The following ADAM22 variants were observed in gnomAD, a reference collection of about 807,000 sequenced individuals.
The protein encoded by ADAM22 is disintegrin and metalloproteinase domain-containing protein 22.
In ADAM22, 65 loss-of-function variants were observed where a neutral mutation model predicts 144.6. That is an observed-to-expected ratio of 0.45 (90% CI 0.37 to 0.55). The LOEUF is 0.55. Among genes scored for constraint, ADAM22 ranks in the 20% least tolerant of loss-of-function variants. The probability of loss-of-function intolerance (pLI) is 0.00; values close to 1 mark genes in which losing one functional copy is unlikely to be tolerated. For synonymous variants in ADAM22, 391 were observed against 412.6 expected (o/e 0.95, Z 0.63); for missense variants, 974 against 1,184.9 (o/e 0.82, Z 2.61).
chr7:88,187,677 T>C (rs945168777), intron 30 of ADAM22, among the ~76,000 whole-genome samples: 3 of 152,234 alleles, frequency 2.0e-5, no homozygotes, highest in African/African-American at 7.2e-5. Flanking sequence ...TAAACTTTCA[T>C]GTTACTGATT....
At chr7:88,048,299 T>C (rs1805239391) in intron 3 of ADAM22, among the ~76,000 whole-genome samples, 2 of 152,292 alleles carry the variant, frequency 1.3e-5, no homozygotes, top group African/African-American at 4.8e-5. Context: ...TCTAGTATTT[T>C]GCTGTTATTA....
intron 3 of ADAM22, among the ~76,000 whole-genome samples, chr7:88,061,801 CAA>C (rs1809947201): frequency 6.7e-6 from 1 of 148,254 alleles, no homozygotes; most frequent in African/African-American, 2.5e-5. Flanking sequence ...TAGCCCTAAA[CAA>C]AAGAGTCAGC....
chr7:88,105,275 A>G (rs1305262638), intron 4 of ADAM22, among the ~76,000 whole-genome samples: 1 of 152,014 alleles, frequency 6.6e-6, no homozygotes, highest in African/African-American at 2.4e-5. Flanking sequence ...ACTGTTCACT[A>G]TGAGGCTCAG....
At chr7:87,935,594 CTG>C (rs1003689008) in intron 2 of ADAM22, among the ~76,000 whole-genome samples, 7 of 152,212 alleles carry the variant, frequency 4.6e-5, no homozygotes, top group Admixed American at 1.3e-4. Flanking sequence ...AAGGTTGACA[CTG>C]TAAGAAAAAA....
intron 3 of ADAM22, among the ~76,000 whole-genome samples, chr7:88,038,636 G>A (rs995734023): frequency 1.3e-5 from 2 of 151,684 alleles, no homozygotes; most frequent in African/African-American, 4.8e-5. Flanking sequence ...TGTATTTTTA[G>A]TAGAGACGGG....
intron 2 of ADAM22, among the ~76,000 whole-genome samples, chr7:87,972,241 G>T (rs950309663): frequency 3.9e-4 from 60 of 152,192 alleles, no homozygotes; most frequent in Non-Finnish European, 7.8e-4. Flanking sequence ...AAAGTCTCAG[G>T]ATACAAAATC....
chr7:88,078,864 C>T (rs565425654), intron 4 of ADAM22, among the ~76,000 whole-genome samples: 3 of 152,274 alleles, frequency 2.0e-5, no homozygotes, highest in South Asian at 4.1e-4. Context: ...ACCAAATCTA[C>T]GTCTAATTGG....
intron 6 of ADAM22, 36 bp from the exon 7 acceptor site, chr7:88,116,709 G>T (rs755838167): frequency 8.4e-6 from 13 of 1,550,228 alleles, no homozygotes; most frequent in Non-Finnish European, 1.2e-5. Flanking sequence ...TAATCCTGTT[G>T]TACATGCTTA....
At chr7:87,949,361 T>A (rs972642918) in intron 2 of ADAM22, among the ~76,000 whole-genome samples, 23 of 152,252 alleles carry the variant, frequency 1.5e-4, no homozygotes, top group Non-Finnish European at 2.1e-4. Context: ...ATTGGCATAC[T>A]GACGTTCTAC....
At chr7:87,937,714 G>A (rs1162649877) in intron 2 of ADAM22, among the ~76,000 whole-genome samples, 1 of 152,164 alleles carries the variant, frequency 6.6e-6, no homozygotes, top group African/African-American at 2.4e-5. Flanking sequence ...ACTCCCTATA[G>A]CAATAAACAT....
intron 4 of ADAM22, among the ~76,000 whole-genome samples, chr7:88,080,755 G>A (rs1027271005): frequency 2.0e-5 from 3 of 152,206 alleles, no homozygotes; most frequent in Admixed American, 2.0e-4. Flanking sequence ...TAGAAGAAAT[G>A]GATAAATTCC....
At chr7:87,955,317 G>A (rs71570591) in intron 2 of ADAM22, among the ~76,000 whole-genome samples, 16,649 of 152,064 alleles carry the variant, frequency 0.11, 1,014 homozygotes, top group South Asian at 0.14. Flanking sequence ...TTTTTGGTGT[G>A]GATGTTCTTT....
intron 4 of ADAM22, among the ~76,000 whole-genome samples, chr7:88,083,003 A>G (rs1817277106): frequency 1.3e-5 from 2 of 152,192 alleles, no homozygotes; most frequent in African/African-American, 4.8e-5. Flanking sequence ...TACCCAAAGG[A>G]TTATAAATCA....
chr7:88,199,959 GAGA>G lies in ADAM22; in HGVS notation c.*3471_*3473del, dbSNP rs1851056206. ...AAATTGGATATTCTCTGCACTTTCA[GAGA>G]AGGACTATTTATGTTTGAATTTCAT... On this transcript the variant is annotated 3_prime_UTR_variant, in exon 32 of 32. Coordinates refer to ENST00000413139, the MANE Select transcript of ADAM22 (RefSeq NM_001324418.2). 1 of 152,224 alleles carries G rather than the reference GAGA, an allele frequency of 6.6e-6. No homozygotes were observed. Among genetic ancestry groups the G allele is most frequent in the Admixed American group, 6.5e-5 (1 of 15,280 alleles). The allele number at this position is 152,224 out of a possible 1,614,324, so 9.4% of individuals were successfully genotyped here.
intron 7 of ADAM22, among the ~76,000 whole-genome samples, chr7:88,123,464 C>T (rs901904375): frequency 1.3e-5 from 2 of 151,966 alleles, no homozygotes; most frequent in Admixed American, 6.6e-5. Flanking sequence ...TACACACGTT[C>T]AAGGAATTTC....
At chr7:87,965,437 A>G (rs1848844069) in intron 2 of ADAM22, among the ~76,000 whole-genome samples, 1 of 152,168 alleles carries the variant, frequency 6.6e-6, no homozygotes, top group Non-Finnish European at 1.5e-5. Context: ...ATAGTTTATT[A>G]TATGTAAATG....
rs183075027 is a variant in ADAM22, at chr7:88,092,304, G to A, written c.391-15872G>A. 3.9e-4 allele frequency among the ~76,000 whole-genome samples: 59 copies of A among 152,088 alleles called. 1 individual carries two copies. Among genetic ancestry groups the A allele is most frequent in the African/African-American group, 1.2e-3 (48 of 41,500 alleles). On this transcript the variant is annotated intron_variant, in intron 4 of 31. Transcript: ENST00000413139. ...ATCCCCCCTACCTCTTTTACCCTCC[G>A]TTCCACAACATACACAGCCCGCAAG...
chr7:88,071,004 T>C (rs747566341), intron 3 of ADAM22, among the ~76,000 whole-genome samples: 1 of 152,172 alleles, frequency 6.6e-6, no homozygotes. Flanking sequence ...ATTTGACAAC[T>C]GTGATCCTAC....
chr7:88,085,043 G>A (rs979394489), intron 4 of ADAM22, among the ~76,000 whole-genome samples: 16 of 152,124 alleles, frequency 1.1e-4, no homozygotes, highest in African/African-American at 2.4e-5. Flanking sequence ...TGTTTTAACT[G>A]CGTTACCTCT....
Sources: gnomAD v4.1 joint callset for allele counts (sites outside exome capture counted in the v4.1 genomes callset) on GRCh38, gnomAD v4.1.1 for gene constraint, MANE v1.5 for transcripts, NCBI Gene and HGNC (gene_info 2026-07-23, HGNC 2026-07-21) for gene names.